MAP2K1: variants seen among roughly 807,000 people sequenced by gnomAD.
MAP2K1 encodes mitogen-activated protein kinase kinase 1.
MAP2K1 carries 16 observed loss-of-function variants against 46.3 expected under a neutral mutation model. That is an observed-to-expected ratio of 0.35 (90% confidence interval 0.23 to 0.52). The LOEUF is 0.52. Among genes scored for constraint, MAP2K1 ranks in the 20% least tolerant of loss-of-function variants. The pLI is 0.94. For synonymous variants in MAP2K1, 183 were observed against 185.6 expected (o/e 0.99, Z 0.11); for missense variants, 263 against 497.1 (o/e 0.53, Z 4.48).
intron 1 of MAP2K1, among the ~76,000 whole-genome samples, chr15:66,432,897 A>C (rs921028041): frequency 1.3e-5 from 2 of 151,558 alleles, no homozygotes; most frequent in Admixed American, 1.3e-4. Context: ...AGAGTTACAC[A>C]GTGTTGTGAG....
chr15:66,388,452 T>C (rs1191167837), intron 1 of MAP2K1, among the ~76,000 whole-genome samples: 3 of 152,236 alleles, frequency 2.0e-5, no homozygotes, highest in Admixed American at 1.3e-4. Context: ...CTGCAGACTT[T>C]AGGAAGCTAA....
At chr15:66,452,293 AAAAAAAAAAAG>A (rs1334389846) in intron 5 of MAP2K1, among the ~76,000 whole-genome samples, 2 of 24,960 alleles carry the variant, frequency 8.0e-5, no homozygotes, top group African/African-American at 1.9e-4. Flanking sequence ...ATAATAAAAA[AAAAAAAAAAAG>A]AAAAAAAAAA....
At chr15:66,443,620 CA>C (rs1449258653) in intron 4 of MAP2K1, among the ~76,000 whole-genome samples, 5 of 152,182 alleles carry the variant, frequency 3.3e-5, no homozygotes, top group African/African-American at 1.2e-4. Flanking sequence ...CCTGTAATCC[CA>C]GCACTTTGCG....
chr15:66,446,804 C>T (rs960391274), intron 5 of MAP2K1: 1 of 256,864 alleles, frequency 3.9e-6, no homozygotes, highest in Non-Finnish European at 8.2e-6. Context: ...AAGTCCTGTT[C>T]CCAGCAGGCC....
At chr15:66,396,364 C>T (rs1189577763) in intron 1 of MAP2K1, among the ~76,000 whole-genome samples, 4 of 151,864 alleles carry the variant, frequency 2.6e-5, no homozygotes, top group East Asian at 3.9e-4. Context: ...CGGCCACCTC[C>T]GCCTCCCACA....
chr15:66,473,928 C>T lies in MAP2K1; in HGVS notation c.569-7827C>T, dbSNP rs549063778. 1.2e-4 allele frequency among the ~76,000 whole-genome samples: 19 copies of T among 152,236 alleles called. No individual in the cohort carries two copies. In the East Asian group the frequency reaches 1.5e-3, roughly 12 times the overall value. The stretch of plus-strand genomic sequence containing the variant: ...AACTCCTGGCCTCTAGCAATTCACC[C>T]GCCCTAGCCTCCTGATGTGCTGGGA... On this transcript the variant is annotated intron_variant, in intron 5 of 10. Coordinates refer to ENST00000307102, the MANE Select transcript of MAP2K1 (RefSeq NM_002755.4).
intron 1 of MAP2K1, among the ~76,000 whole-genome samples, chr15:66,396,995 CTTTTTTTTTTT>C (rs57043037): frequency 3.6e-4 from 14 of 39,276 alleles, no homozygotes; most frequent in South Asian, 1.5e-3. Context: ...TGTAACGCTT[CTTTTTTTTTTT>C]TTTTTTTTTT....
At chr15:66,402,348 C>T (rs2093384051) in intron 1 of MAP2K1, among the ~76,000 whole-genome samples, 1 of 152,202 alleles carries the variant, frequency 6.6e-6, no homozygotes, top group South Asian at 2.1e-4. Flanking sequence ...TTTTTCTCCA[C>T]AGTGAAGTCT....
At chr15:66,444,634 T>C in intron 4 of MAP2K1, 22 bp from the exon 5 acceptor site, 1 of 1,567,484 alleles carries the variant, frequency 6.4e-7, no homozygotes, top group African/African-American at 1.3e-5. Flanking sequence ...TTTTCTTTTC[T>C]TTTACATTCC....
intron 4 of MAP2K1, 129 bp from the exon 5 acceptor site, chr15:66,444,527 G>A: frequency 2.8e-6 from 2 of 726,332 alleles, no homozygotes; most frequent in Non-Finnish European, 2.5e-6. Flanking sequence ...GAGTGAAACT[G>A]CGTCTCAAAG....
At chr15:66,401,125 G>C (rs1393460799) in intron 1 of MAP2K1, among the ~76,000 whole-genome samples, 1 of 152,132 alleles carries the variant, frequency 6.6e-6, no homozygotes, top group East Asian at 1.9e-4. Flanking sequence ...AGTTTGATAG[G>C]ATCTGGCTAA....
At chr15:66,478,432 A>G (rs1892823119) in intron 5 of MAP2K1, among the ~76,000 whole-genome samples, 1 of 136,848 alleles carries the variant, frequency 7.3e-6, no homozygotes, top group Non-Finnish European at 1.7e-5. Context: ...GTATATATAT[A>G]TACACACAGG....
intron 1 of MAP2K1, among the ~76,000 whole-genome samples, chr15:66,413,698 T>C (rs552999737): frequency 6.6e-6 from 1 of 152,254 alleles, no homozygotes; most frequent in Admixed American, 6.5e-5. Context: ...GGGGGATACT[T>C]CCAGCTTAAT....
intron 1 of MAP2K1, among the ~76,000 whole-genome samples, chr15:66,430,199 C>G (rs748849707): frequency 6.6e-5 from 10 of 152,194 alleles, no homozygotes; most frequent in Admixed American, 2.6e-4. Flanking sequence ...CTCCTTTCCT[C>G]TTTCCCTGCT....
chr15:66,393,242 A>G (rs571625168), intron 1 of MAP2K1, among the ~76,000 whole-genome samples: 12 of 151,272 alleles, frequency 7.9e-5, no homozygotes, highest in Admixed American at 4.0e-4. Context: ...CAGTGTTGCA[A>G]TCCTGGCTCA....
chr15:66,467,968 T>A (rs1892508314), intron 5 of MAP2K1, among the ~76,000 whole-genome samples: 1 of 152,238 alleles, frequency 6.6e-6, no homozygotes. Flanking sequence ...ATGAAATTTC[T>A]TGATCAAAAA....
chr15:66,392,779 C>T (rs1407375102), intron 1 of MAP2K1, among the ~76,000 whole-genome samples: 1 of 152,054 alleles, frequency 6.6e-6, no homozygotes, highest in Non-Finnish European at 1.5e-5. Context: ...TCTCGAACTC[C>T]TGACCTCAGA....
intron 6 of MAP2K1, among the ~76,000 whole-genome samples, chr15:66,483,285 A>G (rs1444328593): frequency 6.6e-6 from 1 of 152,118 alleles, no homozygotes. Flanking sequence ...CTCACCTGGC[A>G]CTGACCCACA....
At chr15:66,395,338 A>G (rs1566994446) in intron 1 of MAP2K1, among the ~76,000 whole-genome samples, 1 of 152,216 alleles carries the variant, frequency 6.6e-6, no homozygotes, top group Non-Finnish European at 1.5e-5. Context: ...GGTAACTGGA[A>G]TTGTCAAAGC....
Sources: allele counts gnomAD v4.1 joint callset (sites outside exome capture counted in the v4.1 genomes callset), GRCh38; gene constraint gnomAD v4.1.1; transcripts MANE v1.5; gene names NCBI Gene and HGNC (gene_info 2026-07-23, HGNC 2026-07-21).